The following ZNF66 variants were observed in gnomAD, a reference collection of about 807,000 sequenced individuals.
ZNF66 encodes putative zinc finger protein 66.
ZNF66 carries 32 observed loss-of-function variants against 35.2 expected under a neutral mutation model. That is an observed-to-expected ratio of 0.91 (90% CI 0.69 to 1.22). The LOEUF (loss-of-function observed/expected upper bound fraction) is 1.22, where lower values mean the gene tolerates loss of function less well. ZNF66 is among the 50% of genes most tolerant of loss of function. The probability of loss-of-function intolerance (pLI) is 0.00; values close to 1 mark genes in which losing one functional copy is unlikely to be tolerated. For missense variants in ZNF66, 666 were observed against 543.1 expected, an observed-to-expected ratio of 1.23 and a Z score of -2.25; for synonymous variants, 231 against 181.3, an observed-to-expected ratio of 1.27 and a Z score of -2.20.
intron 2 of ZNF66, 37 bp downstream of exon 2, chr19:20,792,675 C>T: frequency 9.1e-7 from 1 of 1,101,672 alleles, no homozygotes; most frequent in Non-Finnish European, 1.3e-6. Context: ...ATAATATACA[C>T]AAATTGTTTT....
rs781748526 is a variant in ZNF66, at chr19:20,793,332, C to CTTT, written c.131-437_131-435dup. ...CTTTTCTTTTCTTTTCTTTTCTTTT[C>CTTT]TTTTTTTTTTTTTTTTGAGACAGAG... is the stretch of plus-strand genomic sequence containing the variant. On this transcript the variant is annotated intron_variant, in intron 2 of 3. Coordinates refer to ENST00000344519, the MANE Select transcript of ZNF66 (RefSeq NM_001355197.2). Among the ~76,000 whole-genome samples, 53 of 84,616 alleles carry CTTT rather than the reference C, an allele frequency of 6.3e-4. 2 individuals are homozygous for CTTT. The highest frequency in any genetic ancestry group is 2.0e-3 in the African/African-American group (43 of 21,568). The allele number at this position is 84,616 out of a possible 152,430, so 55.5% of individuals were successfully genotyped here. A position where few individuals can be genotyped will look rare whatever the true frequency, so the allele number is the denominator to read the frequency against.
At chr19:20,779,605 G>A (rs57910065) in intron 1 of ZNF66, among the ~76,000 whole-genome samples, 14,155 of 152,064 alleles carry the variant, frequency 0.093, 671 homozygotes, top group Middle Eastern at 0.11. Flanking sequence ...GAGGCAGTCG[G>A]ATCACCTGAG....
rs1391531556 is a variant in ZNF66, at chr19:20,808,927, C to T, written c.*1605C>T. 7.3e-6 allele frequency among the ~76,000 whole-genome samples: 1 copy of T among 136,298 alleles called. No homozygotes were observed. Among genetic ancestry groups the T allele is most frequent in the African/African-American group, 2.7e-5 (1 of 37,178 alleles). 89.4% of individuals were successfully genotyped at this position (136,298 alleles called of 152,430 possible). A position where few individuals can be genotyped will look rare whatever the true frequency, so the allele number is the denominator to read the frequency against. ...TACAGGAGGAAATTCAAACCAAAGG[C>T]AAAGAAGTTAAAAAATTAGACGAAT... is the stretch of plus-strand genomic sequence containing the variant. On this transcript the variant is annotated 3_prime_UTR_variant, in exon 4 of 4. Transcript: ENST00000344519.
intron 1 of ZNF66, among the ~76,000 whole-genome samples, chr19:20,776,710 T>A (rs1971198140): frequency 6.6e-6 from 1 of 152,134 alleles, no homozygotes; most frequent in African/African-American, 2.4e-5. Context: ...TCTCCCAGAT[T>A]GTGCAGGGAC....
chr19:20,800,490 A>G (rs1251082408), intron 3 of ZNF66, among the ~76,000 whole-genome samples: 9 of 152,144 alleles, frequency 5.9e-5, no homozygotes, highest in Non-Finnish European at 1.2e-4. Flanking sequence ...TAAATCCTCA[A>G]TGTTGGGTGT....
intron 1 of ZNF66, among the ~76,000 whole-genome samples, chr19:20,785,359 C>A (rs1971277797): frequency 6.6e-6 from 1 of 152,210 alleles, no homozygotes; most frequent in African/African-American, 2.4e-5. Context: ...AAGAGAGAAT[C>A]CTATTCAACC....
chr19:20,794,200 C>T (rs148844008), intron 3 of ZNF66: 23 of 337,682 alleles, frequency 6.8e-5, no homozygotes, highest in African/African-American at 4.8e-4. Flanking sequence ...GTTTTGGGGA[C>T]ACACAAATAT....
chr19:20,783,245 C>A (rs941340270), intron 1 of ZNF66, among the ~76,000 whole-genome samples: 1 of 152,082 alleles, frequency 6.6e-6, no homozygotes, highest in Non-Finnish European at 1.5e-5. Context: ...CTCTCTTCTC[C>A]TTTTTCCCCA....
At chr19:20,801,937 GT>G (rs1971451734) in intron 3 of ZNF66, among the ~76,000 whole-genome samples, 1 of 131,618 alleles carries the variant, frequency 7.6e-6, no homozygotes, top group African/African-American at 2.8e-5. Flanking sequence ...TCATTAAGTA[GT>G]TTAATGAGAG....
At chr19:20,803,311 C>CT (rs71174750) in intron 3 of ZNF66, among the ~76,000 whole-genome samples, 54,727 of 131,338 alleles carry the variant, frequency 0.42, 10,634 homozygotes, top group Non-Finnish European at 0.48. Context: ...CTCTTTCTGT[C>CT]TTTTTTTTTT....
chr19:20,793,616 A>G (rs1190480839), intron 2 of ZNF66, among the ~76,000 whole-genome samples, 167 bp from the exon 3 acceptor site: 1 of 151,972 alleles, frequency 6.6e-6, no homozygotes, highest in Non-Finnish European at 1.5e-5. Context: ...CCACTGCACC[A>G]GGCAAATTGG....
At chr19:20,804,390 C>T (rs1258640474) in intron 3 of ZNF66, among the ~76,000 whole-genome samples, 2 of 151,942 alleles carry the variant, frequency 1.3e-5, no homozygotes, top group African/African-American at 2.4e-5. Flanking sequence ...ATTATAGGTG[C>T]TCACAACCAC....
rs746423035 is a variant in ZNF66 at position 20,793,855 on chromosome 19, A to C, written c.203A>C (p.His68Pro). The C allele has an allele frequency of 5.1e-6, 6 of 1,183,178 alleles. No individual in the cohort carries two copies. Among genetic ancestry groups the C allele is most frequent in the African/African-American group, 4.8e-5 (3 of 63,094 alleles). 73.3% of individuals were successfully genotyped at this position (1,183,178 alleles called of 1,614,324 possible). A position where few individuals can be genotyped will look rare whatever the true frequency, so the allele number is the denominator to read the frequency against. ...AAAAAACCTTCGACTATGCAGAGAC[A>C]TGAGATGGTAGCCAACCCCTCAGGT... Reference protein sequence around the residue: ...QGKKPSTMQRHEMVANPSVLC... With the variant: ...QGKKPSTMQRPEMVANPSVLC... Residue 68 changes from histidine (H) to proline (P), a missense_variant, in exon 3 of 4, where the codon CAT becomes CCT. By Grantham distance (77) the His-to-Pro change is moderately conservative (BLOSUM62 -2). Transcript: ENST00000344519.
At chr19:20,777,413 CT>C (rs1207674057) in intron 1 of ZNF66, among the ~76,000 whole-genome samples, 1 of 148,150 alleles carries the variant, frequency 6.7e-6, no homozygotes, top group African/African-American at 2.5e-5. Flanking sequence ...TTTGTTTCCC[CT>C]AATGTAGTAA....
rs1971502580 is a variant in ZNF66, at chr19:20,806,098, A to G, written c.498A>G (p.Arg166=). The G allele has an allele frequency of 2.2e-6, 2 of 903,212 alleles. No homozygotes were observed. Among genetic ancestry groups the G allele is most frequent in the Non-Finnish European group, 3.7e-6 (2 of 542,394 alleles). 55.9% of individuals were successfully genotyped at this position (903,212 alleles called of 1,614,324 possible). ...QFSNTNRHKI[R]HTGKNPCKFT... ...CAAATACAAACAGACATAAGATAAG[A>G]CATACTGGAAAAAACCCTTGCAAAT... The change falls in exon 4 of 4, where the codon AGA becomes AGG. Residue 166 remains arginine (R), a synonymous_variant. Coordinates refer to ENST00000344519, the MANE Select transcript of ZNF66 (RefSeq NM_001355197.2).
intron 2 of ZNF66, among the ~76,000 whole-genome samples, chr19:20,793,358 T>C (rs1971360210): frequency 8.1e-6 from 1 of 123,694 alleles, no homozygotes; most frequent in South Asian, 2.6e-4. Context: ...TGAGACAGAG[T>C]CTCACTCTGT....
intron 1 of ZNF66, among the ~76,000 whole-genome samples, chr19:20,791,044 T>G (rs1224428627): frequency 3.3e-5 from 5 of 152,206 alleles, no homozygotes; most frequent in Non-Finnish European, 5.9e-5. Context: ...TTAAAAATGT[T>G]CCGTTTGTGG....
At chr19:20,786,524 G>A (rs774615109) in intron 1 of ZNF66, among the ~76,000 whole-genome samples, 1 of 152,134 alleles carries the variant, frequency 6.6e-6, no homozygotes, top group Non-Finnish European at 1.5e-5. Context: ...TGCTACTCCA[G>A]CCATTCAGGC....
At chr19:20,791,344 G>A (rs1307126053) in intron 1 of ZNF66, among the ~76,000 whole-genome samples, 1 of 152,044 alleles carries the variant, frequency 6.6e-6, no homozygotes, top group African/African-American at 2.4e-5. Flanking sequence ...AATTAGCCTG[G>A]CGTGATGGCA....
Sources: allele counts gnomAD v4.1 joint callset (sites outside exome capture counted in the v4.1 genomes callset), GRCh38; gene constraint gnomAD v4.1.1; transcripts MANE v1.5; gene names NCBI Gene and HGNC (gene_info 2026-07-23, HGNC 2026-07-21).